The following EPHA5 variants were observed in gnomAD, a reference collection of about 807,000 sequenced individuals.
The protein encoded by EPHA5 is ephrin type-A receptor 5.
In EPHA5, 60 loss-of-function variants were observed where a neutral mutation model predicts 105.0. The observed-to-expected ratio is 0.57, with a 90% CI of 0.46 to 0.71. The LOEUF (loss-of-function observed/expected upper bound fraction) is 0.71, where lower values mean the gene tolerates loss of function less well. EPHA5 is among the 30% of genes least tolerant of loss of function. The pLI is 0.00. For synonymous variants in EPHA5, 513 were observed against 449.1 expected, an observed-to-expected ratio of 1.14 and a Z score of -1.80; for missense variants, 1,218 against 1,274.7, an observed-to-expected ratio of 0.96 and a Z score of 0.68.
intron 5 of EPHA5, among the ~76,000 whole-genome samples, chr4:65,430,950 A>T (rs1724912231): frequency 1.3e-5 from 2 of 152,148 alleles, no homozygotes; most frequent in East Asian, 3.9e-4. Context: ...TTTTTATTGC[A>T]CATTCTGTGA....
chr4:65,594,924 G>A (rs1467197995), intron 3 of EPHA5, among the ~76,000 whole-genome samples: 1 of 152,002 alleles, frequency 6.6e-6, no homozygotes, highest in African/African-American at 2.4e-5. Context: ...TATAAGAAGA[G>A]CATATTTTAG....
intron 3 of EPHA5, among the ~76,000 whole-genome samples, chr4:65,510,744 A>C (rs1380691431): frequency 6.6e-6 from 1 of 152,172 alleles, no homozygotes; most frequent in African/African-American, 2.4e-5. Context: ...CAAAATTGAT[A>C]TCTCACAATC....
intron 8 of EPHA5, among the ~76,000 whole-genome samples, chr4:65,378,418 C>T (rs1389736456): frequency 6.6e-6 from 1 of 151,876 alleles, no homozygotes; most frequent in Non-Finnish European, 1.5e-5. Flanking sequence ...TCTTGATATA[C>T]TCCTTTACAG....
intron 5 of EPHA5, among the ~76,000 whole-genome samples, chr4:65,443,421 T>C (rs891032646): frequency 4.0e-5 from 6 of 151,658 alleles, no homozygotes; most frequent in Non-Finnish European, 7.4e-5. Flanking sequence ...ATACTGTTAC[T>C]GCGATACCGA....
intron 2 of EPHA5, among the ~76,000 whole-genome samples, chr4:65,638,560 A>G (rs1342826593): frequency 2.0e-5 from 3 of 152,056 alleles, no homozygotes; most frequent in Non-Finnish European, 4.4e-5. Context: ...CACCATGGAA[A>G]AACCCCGTCT....
intron 5 of EPHA5, among the ~76,000 whole-genome samples, chr4:65,426,421 T>C (rs1448868850): frequency 6.6e-6 from 1 of 152,198 alleles, no homozygotes; most frequent in African/African-American, 2.4e-5. Flanking sequence ...CCTGACTGAT[T>C]GACCATTTGT....
rs34509814 is a variant in EPHA5, at chr4:65,323,035, C to T, written c.*1079G>A. The T allele has an allele frequency of 0.065, 14,893 of 228,770 alleles. 585 individuals carry two copies. Among genetic ancestry groups the T allele is most frequent in the Admixed American group, 0.13 (2,340 of 17,548 alleles). The allele number at this position is 228,770 out of a possible 1,614,324, so 14.2% of individuals were successfully genotyped here. A position where few individuals can be genotyped will look rare whatever the true frequency, so the allele number is the denominator to read the frequency against. ...TACATCCTGCTGAAAATGTGCCCTT[C>T]GGTGTCAACTTTGCTTGACAAGATA... On this transcript the variant is annotated 3_prime_UTR_variant, in exon 17 of 17. Coordinates refer to ENST00000613740, the MANE Select transcript of EPHA5 (RefSeq NM_001281766.3).
chr4:65,454,088 C>A (rs1476575713), intron 5 of EPHA5, among the ~76,000 whole-genome samples: 2 of 152,196 alleles, frequency 1.3e-5, no homozygotes, highest in African/African-American at 4.8e-5. Context: ...CGAAACCAGC[C>A]TGACCAATGT....
intron 14 of EPHA5, among the ~76,000 whole-genome samples, chr4:65,337,692 T>G (rs1311130879): frequency 6.6e-6 from 1 of 152,058 alleles, no homozygotes; most frequent in Admixed American, 6.6e-5. Context: ...GAGTAGAGAA[T>G]ACCCAGATGG....
chr4:65,462,798 G>C (rs929871327), intron 5 of EPHA5, among the ~76,000 whole-genome samples: 1 of 152,088 alleles, frequency 6.6e-6, no homozygotes, highest in Non-Finnish European at 1.5e-5. Flanking sequence ...CCAAATTCAG[G>C]GTTGGAGAAA....
At chr4:65,433,949 G>C (rs1236817462) in intron 5 of EPHA5, among the ~76,000 whole-genome samples, 3 of 152,090 alleles carry the variant, frequency 2.0e-5, no homozygotes, top group Admixed American at 6.6e-5. Context: ...ACTCTACTCG[G>C]GAGGCTGATG....
At chr4:65,399,375 G>A (rs778693635) in intron 8 of EPHA5, among the ~76,000 whole-genome samples, 2 of 152,170 alleles carry the variant, frequency 1.3e-5, no homozygotes, top group Non-Finnish European at 2.9e-5. Flanking sequence ...CTTGCCCTTT[G>A]CAATTGTGGG....
intron 3 of EPHA5, among the ~76,000 whole-genome samples, chr4:65,569,808 T>C (rs1358041213): frequency 2.0e-5 from 3 of 151,708 alleles, no homozygotes; most frequent in Non-Finnish European, 3.0e-5. Context: ...AAGGGTATAG[T>C]GCCTAAAACA....
intron 5 of EPHA5, among the ~76,000 whole-genome samples, chr4:65,474,783 G>C (rs1410557564): frequency 6.6e-6 from 1 of 152,018 alleles, no homozygotes; most frequent in African/African-American, 2.4e-5. Flanking sequence ...AAATAAAAAT[G>C]CTCCCAAAAG....
At chr4:65,348,811 ATATATT>A (rs1722529460) in intron 13 of EPHA5, among the ~76,000 whole-genome samples, 3 of 56,404 alleles carry the variant, frequency 5.3e-5, no homozygotes, top group African/African-American at 7.3e-5. Context: ...ATATATATAT[ATATATT>A]TTTTTTTTTT....
intron 1 of EPHA5, among the ~76,000 whole-genome samples, chr4:65,660,421 G>C (rs1025909539): frequency 7.2e-5 from 11 of 152,088 alleles, no homozygotes; most frequent in African/African-American, 2.7e-4. Flanking sequence ...TCCAAGCCTA[G>C]ATTCCTTTTA....
chr4:65,465,471 G>GAA lies in EPHA5; in HGVS notation c.1402+24904_1402+24905dup, dbSNP rs1560566883. 2.6e-3 allele frequency among the ~76,000 whole-genome samples: 189 copies of GAA among 72,454 alleles called. 1 individual carries two copies. The highest frequency in any genetic ancestry group is 6.8e-3 in the African/African-American group (113 of 16,706). The allele number at this position is 72,454 out of a possible 152,430, so 47.5% of individuals were successfully genotyped here. A position where few individuals can be genotyped will look rare whatever the true frequency, so the allele number is the denominator to read the frequency against. On this transcript the variant is annotated intron_variant, in intron 5 of 16. Transcript: ENST00000613740. ...AAGAAAGAAAGAAAAGAAAGAAAAA[G>GAA]AAAGAAAGAAAGAAAGAAAGAAAGA...
At chr4:65,476,985 A>G (rs1210255215) in intron 5 of EPHA5, among the ~76,000 whole-genome samples, 3 of 152,232 alleles carry the variant, frequency 2.0e-5, no homozygotes, top group Non-Finnish European at 4.4e-5. Flanking sequence ...TCACTACCAG[A>G]CATTGAAATT....
intron 2 of EPHA5, among the ~76,000 whole-genome samples, chr4:65,619,796 T>C (rs1030410372): frequency 6.6e-6 from 1 of 151,992 alleles, no homozygotes. Context: ...TACATAAAAA[T>C]ACATACATGT....
Sources: allele counts gnomAD v4.1 joint callset (sites outside exome capture counted in the v4.1 genomes callset), GRCh38; gene constraint gnomAD v4.1.1; transcripts MANE v1.5; gene names NCBI Gene and HGNC (gene_info 2026-07-23, HGNC 2026-07-21).